SLC25A21: variants seen among roughly 807,000 people sequenced by gnomAD.
The protein encoded by SLC25A21 is mitochondrial 2-oxodicarboxylate carrier.
SLC25A21 carries 47 observed loss-of-function variants against 43.8 expected under a neutral mutation model. That is an observed-to-expected ratio of 1.07 (90% CI 0.85 to 1.37). SLC25A21 has a LOEUF of 1.37. Among genes scored for constraint, SLC25A21 ranks in the 40% most tolerant of loss-of-function variants. The pLI, the probability that SLC25A21 is intolerant of heterozygous loss-of-function variation, is 0.00. For synonymous variants in SLC25A21, 131 were observed against 121.3 expected, an observed-to-expected ratio of 1.08 and a Z score of -0.52; for missense variants, 352 against 350.2, an observed-to-expected ratio of 1.00 and a Z score of -0.04.
chr14:37,142,745 TA>T (rs1165854248), intron 1 of SLC25A21, among the ~76,000 whole-genome samples: 1 of 152,148 alleles, frequency 6.6e-6, no homozygotes, highest in Non-Finnish European at 1.5e-5. Context: ...ATTAGGCAGA[TA>T]TTAGAAATGT....
chr14:36,959,361 A>C (rs1388612797), intron 1 of SLC25A21, among the ~76,000 whole-genome samples: 1 of 152,156 alleles, frequency 6.6e-6, no homozygotes, highest in Non-Finnish European at 1.5e-5. Context: ...GTTTCTAAAA[A>C]CAAACCCCAG....
At chr14:36,819,340 A>G (rs1234206990) in intron 2 of SLC25A21, among the ~76,000 whole-genome samples, 2 of 120,136 alleles carry the variant, frequency 1.7e-5, no homozygotes, top group Admixed American at 1.0e-4. Flanking sequence ...AAACAAATGT[A>G]CAAGCATATT....
At chr14:37,051,047 T>C (rs1354143859) in intron 1 of SLC25A21, among the ~76,000 whole-genome samples, 3 of 152,216 alleles carry the variant, frequency 2.0e-5, no homozygotes, top group Non-Finnish European at 4.4e-5. Flanking sequence ...TTGGCCTTAG[T>C]GCTATCTTAA....
intron 6 of SLC25A21, among the ~76,000 whole-genome samples, chr14:36,718,656 C>T (rs1884249003): frequency 1.3e-5 from 2 of 152,172 alleles, no homozygotes; most frequent in South Asian, 4.1e-4. Flanking sequence ...CATACACGAT[C>T]TAATTGGTCT....
At chr14:37,014,302 A>G (rs965038257) in intron 1 of SLC25A21, among the ~76,000 whole-genome samples, 3 of 152,154 alleles carry the variant, frequency 2.0e-5, no homozygotes, top group African/African-American at 7.2e-5. Flanking sequence ...GAGTTAATCC[A>G]CTTAAACCCT....
intron 3 of SLC25A21, among the ~76,000 whole-genome samples, chr14:36,760,919 A>G (rs1467514689): frequency 6.6e-6 from 1 of 152,156 alleles, no homozygotes; most frequent in African/African-American, 2.4e-5. Flanking sequence ...AAGGAAAGAA[A>G]GGAAAAAAAG....
At chr14:36,812,675 GGA>G (rs1224993224) in intron 3 of SLC25A21, among the ~76,000 whole-genome samples, 3 of 152,046 alleles carry the variant, frequency 2.0e-5, no homozygotes, top group Non-Finnish European at 4.4e-5. Flanking sequence ...ATACTGGCAT[GGA>G]AAGATACCCA....
chr14:37,056,484 A>G lies in SLC25A21; in HGVS notation c.70+115797T>C, dbSNP rs547406551. On this transcript the variant is annotated intron_variant, in intron 1 of 9. Transcript: ENST00000331299. ...CCAGCCTGGGCGACAGCGAGACTCC[A>G]TCTCAAAAAAAAAAAAAAAAATTAC... is the stretch of plus-strand genomic sequence containing the variant. Among the ~76,000 whole-genome samples the G allele has an allele frequency of 1.8e-3, 275 of 148,918 alleles. 1 individual carries two copies. Among genetic ancestry groups the G allele is most frequent in the African/African-American group, 6.2e-3 (250 of 40,124 alleles).
intron 3 of SLC25A21, among the ~76,000 whole-genome samples, chr14:36,754,742 A>T (rs1885860188): frequency 6.6e-6 from 1 of 151,986 alleles, no homozygotes; most frequent in Non-Finnish European, 1.5e-5. Flanking sequence ...AGAGAAAAAA[A>T]AAGAGATAAA....
chr14:36,916,888 C>T (rs932069624), intron 1 of SLC25A21, among the ~76,000 whole-genome samples: 3 of 152,090 alleles, frequency 2.0e-5, no homozygotes, highest in African/African-American at 7.2e-5. Flanking sequence ...AAATCTGCTC[C>T]TCTGTGTGCT....
At chr14:36,903,613 A>G (rs1446842950) in intron 1 of SLC25A21, among the ~76,000 whole-genome samples, 1 of 101,496 alleles carries the variant, frequency 9.9e-6, no homozygotes, top group Non-Finnish European at 2.0e-5. Flanking sequence ...ACTCCGTCTC[A>G]GAAAAAAAAA....
chr14:36,760,622 T>C (rs546448980), intron 3 of SLC25A21, among the ~76,000 whole-genome samples: 1 of 152,366 alleles, frequency 6.6e-6, no homozygotes, highest in East Asian at 1.9e-4. Context: ...GATTTTTCTG[T>C]TCTGAAACAA....
At chr14:37,167,262 TAG>T (rs1465073384) in intron 1 of SLC25A21, among the ~76,000 whole-genome samples, 1 of 152,188 alleles carries the variant, frequency 6.6e-6, no homozygotes, top group African/African-American at 2.4e-5. Context: ...TCCCCCTCTA[TAG>T]AGTCTTTTTT....
intron 1 of SLC25A21, among the ~76,000 whole-genome samples, chr14:36,898,303 G>A (rs1381378077): frequency 1.3e-5 from 2 of 152,170 alleles, no homozygotes; most frequent in Middle Eastern, 3.2e-3. Context: ...AGCAATGAGC[G>A]AGGCTCTGTG....
rs902145808 is a variant in SLC25A21 at position 36,679,293 on chromosome 14, A to G, written c.*1365T>C. On this transcript the variant is annotated 3_prime_UTR_variant, in exon 10 of 10. Coordinates refer to ENST00000331299, the MANE Select transcript of SLC25A21 (RefSeq NM_030631.4). ...ATGTACAACAGAAGGCTATGTATGTATATACAGTATGTCAAAAGCCTTTTA... is the reference window on the plus strand; with the variant it reads ...ATGTACAACAGAAGGCTATGTATGTGTATACAGTATGTCAAAAGCCTTTTA... The G allele has an allele frequency of 3.4e-5, 33 of 977,134 alleles. No individual in the cohort carries two copies. The highest frequency in any genetic ancestry group is 1.1e-4 in the East Asian group (1 of 8,782). 60.5% of individuals were successfully genotyped at this position (977,134 alleles called of 1,614,324 possible).
In SLC25A21 at chr14:37,032,429, G is replaced by A. The variant is rs150593183; in HGVS notation, c.70+139852C>T. ...CGTGTGCCTGTAGTCCCAGCTACTC[G>A]GGAGGCTGAGGCAGGAGAATGGCGT... On this transcript the variant is annotated intron_variant, in intron 1 of 9. Coordinates refer to ENST00000331299, the MANE Select transcript of SLC25A21 (RefSeq NM_030631.4). 5.6e-3 allele frequency among the ~76,000 whole-genome samples: 858 copies of A among 152,102 alleles called. 7 individuals carry two copies. Among genetic ancestry groups the A allele is most frequent in the African/African-American group, 0.015 (609 of 41,506 alleles).
chr14:36,718,145 C>T (rs558810200), intron 6 of SLC25A21, among the ~76,000 whole-genome samples: 136 of 152,216 alleles, frequency 8.9e-4, no homozygotes, highest in Middle Eastern at 6.8e-3. Flanking sequence ...TAGCTATTAT[C>T]ATTATTTCAA....
At chr14:36,793,332 C>T (rs2138404698) in intron 3 of SLC25A21, among the ~76,000 whole-genome samples, 1 of 151,764 alleles carries the variant, frequency 6.6e-6, no homozygotes, top group East Asian at 1.9e-4. Flanking sequence ...TGTTTTTGTC[C>T]CTGGAAAATA....
intron 1 of SLC25A21, among the ~76,000 whole-genome samples, chr14:36,977,098 A>G (rs1397596665): frequency 6.6e-6 from 1 of 152,176 alleles, no homozygotes; most frequent in African/African-American, 2.4e-5. Context: ...GCATTTTTCT[A>G]TTGAGGAGTT....
Sources: gnomAD v4.1 joint callset for allele counts (sites outside exome capture counted in the v4.1 genomes callset) on GRCh38, gnomAD v4.1.1 for gene constraint, MANE v1.5 for transcripts, NCBI Gene and HGNC (gene_info 2026-07-23, HGNC 2026-07-21) for gene names.